Variants in SDAD1 observed in about 807,000 individuals in gnomAD.
SDAD1 encodes SDA1 domain containing 1.
Under a neutral mutation model 100.3 loss-of-function variants are expected in SDAD1, and 79 were observed. That is an observed-to-expected ratio of 0.79 (90% confidence interval 0.66 to 0.95). SDAD1 has a LOEUF of 0.95. Ranked by LOEUF, SDAD1 falls within the 40% of genes least tolerant of loss-of-function variation. The pLI, the probability that SDAD1 is intolerant of heterozygous loss-of-function variation, is 0.00. For synonymous variants in SDAD1, 267 were observed against 271.4 expected, an observed-to-expected ratio of 0.98 and a Z score of 0.16; for missense variants, 790 against 810.9, an observed-to-expected ratio of 0.97 and a Z score of 0.31.
At chr4:75,970,245 A>C in intron 10 of SDAD1, 64 bp downstream of exon 10, 1 of 1,358,756 alleles carries the variant, frequency 7.4e-7, no homozygotes, top group Non-Finnish European at 1.0e-6. Context: ...GAAAACCCCA[A>C]AGGCAGGAAA....
At chr4:75,955,951 A>G (rs1287504078) in intron 21 of SDAD1, 24 bp downstream of exon 21, 1 of 1,578,714 alleles carries the variant, frequency 6.3e-7, no homozygotes, top group East Asian at 2.2e-5. Context: ...TGTTCTTGCC[A>G]CCCAAGCTTC....
chr4:75,952,048 T>A (rs1728653142), intron 21 of SDAD1, among the ~76,000 whole-genome samples: 1 of 152,184 alleles, frequency 6.6e-6, no homozygotes, highest in African/African-American at 2.4e-5. Flanking sequence ...CACACCTGGG[T>A]CTTGGTATGT....
At position 75,956,028 on chromosome 4, in the gene SDAD1, G is replaced by T. The variant is rs749251438; in HGVS notation, c.1963C>A (p.Arg655=). ...TTTGACCGGACATTCTGGCTATACC[G>T]CATCATCATAAAGTTCTTCTGTTTT... ...KKKQKNFMMM[R]YSQNVRSKNK... The change falls in exon 21 of 22, where the codon CGG becomes AGG. Residue 655 remains arginine, a synonymous_variant. Coordinates refer to ENST00000356260, the MANE Select transcript of SDAD1 (RefSeq NM_018115.4). 121 of 1,611,250 alleles carry T rather than the reference G, an allele frequency of 7.5e-5. No homozygotes were observed. Among genetic ancestry groups the T allele is most frequent in the South Asian group, 5.8e-4 (52 of 90,300 alleles).
At chr4:75,978,977 T>C (rs1266385802) in intron 3 of SDAD1, among the ~76,000 whole-genome samples, 1 of 27,996 alleles carries the variant, frequency 3.6e-5, no homozygotes, top group East Asian at 0.011. Context: ...ACAGACCCTG[T>C]CTCAGAAAAA....
In SDAD1 at chr4:75,967,310, A is replaced by G. The variant is rs1228221049; in HGVS notation, c.1012T>C (p.Phe338Leu). 2 of 1,613,852 alleles carry G rather than the reference A, an allele frequency of 1.2e-6. No homozygotes were observed. The highest frequency in any genetic ancestry group is 2.7e-5 in the African/African-American group (2 of 74,882). The change falls in exon 12 of 22, where the codon TTT (phenylalanine) becomes CTT (leucine). Residue 338 changes from phenylalanine (F) to leucine (L), a missense_variant. Transcript: ENST00000356260. ...TGGGGCTGCAGAAACCTTTGCAAAA[A>G]GGGATAGAAATTGAAGAGGAAAAGC... ...HELFLFNFYP[F>L]LQRFLQPHQR...
chr4:75,976,611 T>TG (rs1458226721), intron 4 of SDAD1, among the ~76,000 whole-genome samples: 2 of 152,178 alleles, frequency 1.3e-5, no homozygotes, highest in Non-Finnish European at 1.5e-5. Flanking sequence ...GAGTTTCTTT[T>TG]GGGGGTGACA....
At chr4:75,959,204 T>G (rs1578117397) in intron 17 of SDAD1, among the ~76,000 whole-genome samples, 1 of 149,660 alleles carries the variant, frequency 6.7e-6, no homozygotes, top group Non-Finnish European at 1.5e-5. Context: ...TCATAAATCC[T>G]GTTAACACTT....
At chr4:75,970,719 A>T (rs1729822213) in intron 9 of SDAD1, among the ~76,000 whole-genome samples, 1 of 152,174 alleles carries the variant, frequency 6.6e-6, no homozygotes, top group African/African-American at 2.4e-5. Context: ...CCTCGTGGGA[A>T]GTTATTGGCT....
chr4:75,990,276 C>T (rs866266004), intron 1 of SDAD1, among the ~76,000 whole-genome samples: 1 of 17,640 alleles, frequency 5.7e-5, no homozygotes, highest in Non-Finnish European at 1.2e-4. Context: ...CTTGAGAAAC[C>T]CCCCCCCCCC....
At chr4:75,965,444 T>G (rs1301010180) in intron 13 of SDAD1, among the ~76,000 whole-genome samples, 2 of 152,192 alleles carry the variant, frequency 1.3e-5, no homozygotes, top group Non-Finnish European at 2.9e-5. Flanking sequence ...TTTATTACCT[T>G]GTGAAGCATG....
intron 1 of SDAD1, among the ~76,000 whole-genome samples, chr4:75,989,457 T>A (rs1731101576): frequency 1.3e-5 from 2 of 152,242 alleles, no homozygotes; most frequent in Admixed American, 1.3e-4. Flanking sequence ...TCTTATTCAT[T>A]ACTGTACCCC....
chr4:75,955,381 C>G (rs530761712), intron 21 of SDAD1, among the ~76,000 whole-genome samples: 1 of 152,248 alleles, frequency 6.6e-6, no homozygotes, highest in Admixed American at 6.5e-5. Context: ...TTGTGTGTGT[C>G]TTTTATTTCT....
At chr4:75,975,398 G>T (rs1477516077) in intron 6 of SDAD1, among the ~76,000 whole-genome samples, 1 of 152,116 alleles carries the variant, frequency 6.6e-6, no homozygotes, top group Middle Eastern at 3.2e-3. Context: ...GTTAGATCTG[G>T]GTCTGAATTT....
chr4:75,988,489 C>A (rs576994245), intron 1 of SDAD1, among the ~76,000 whole-genome samples: 1 of 152,278 alleles, frequency 6.6e-6, no homozygotes, highest in South Asian at 2.1e-4. Context: ...CCCTAACTAT[C>A]CAATTTAAAA....
At chr4:75,979,753 C>T (rs573332971) in intron 3 of SDAD1, among the ~76,000 whole-genome samples, 25 of 151,994 alleles carry the variant, frequency 1.6e-4, no homozygotes, top group Admixed American at 5.2e-4. Context: ...CCGCGCCTGG[C>T]GGAAATCTTT....
chr4:75,957,943 T>G lies in SDAD1; in HGVS notation c.1484-2A>C, dbSNP rs770294673. 1 of 1,612,460 alleles carries G rather than the reference T, an allele frequency of 6.2e-7. No individual in the cohort carries two copies. Among genetic ancestry groups the G allele is most frequent in the East Asian group, 2.2e-5 (1 of 44,888 alleles). On this transcript the variant is annotated splice_acceptor_variant, in intron 17 of 21. Coordinates refer to ENST00000356260, the MANE Select transcript of SDAD1 (RefSeq NM_018115.4). LOFTEE classifies it high-confidence loss of function. Reference sequence around the variant, plus strand: ...TGAGACTGGTACTTTCCCATCCATCTGCGTGAAAAAAGCAAACCCACTACT... The same window carrying G: ...TGAGACTGGTACTTTCCCATCCATCGGCGTGAAAAAAGCAAACCCACTACT...
intron 21 of SDAD1, among the ~76,000 whole-genome samples, chr4:75,951,242 T>C (rs1728615303): frequency 6.6e-6 from 1 of 152,232 alleles, no homozygotes; most frequent in Non-Finnish European, 1.5e-5. Context: ...AAATATGGCA[T>C]GTATGGATCA....
In SDAD1 at chr4:75,990,551, G is replaced by A. The variant is rs796696431; in HGVS notation, c.90+201C>T. ...AGCAGGGCAGGTAGAAAATCCAAAG[G>A]GGCAACAGATTTTCAAGAGGTGGGG... On this transcript the variant is annotated intron_variant, in intron 1 of 21. Coordinates refer to ENST00000356260, the MANE Select transcript of SDAD1 (RefSeq NM_018115.4). 7.4e-6 allele frequency: 8 copies of A among 1,077,912 alleles called. No individual in the cohort carries two copies. The African/African-American group carries it at 7.8e-5, about 11-fold the overall frequency. 66.8% of individuals were successfully genotyped at this position (1,077,912 alleles called of 1,614,324 possible).
intron 4 of SDAD1, among the ~76,000 whole-genome samples, chr4:75,977,407 T>A (rs1251403240): frequency 6.6e-6 from 1 of 152,140 alleles, no homozygotes; most frequent in Non-Finnish European, 1.5e-5. Flanking sequence ...ATAATGAGGA[T>A]CCCTCTCTCA....
Sources: gnomAD v4.1 joint callset for allele counts (sites outside exome capture counted in the v4.1 genomes callset) on GRCh38, gnomAD v4.1.1 for gene constraint, MANE v1.5 for transcripts, NCBI Gene and HGNC (gene_info 2026-07-23, HGNC 2026-07-21) for gene names.